The following OTOG variants were observed in gnomAD, a reference collection of about 807,000 sequenced individuals.
The protein encoded by OTOG is otogelin.
A neutral mutation model predicts 313.8 loss-of-function variants in OTOG; 296 were observed. The ratio of observed to expected loss-of-function variants is 0.94; its 90% CI spans 0.86 to 1.04. The LOEUF (loss-of-function observed/expected upper bound fraction) is 1.04, where lower values mean the gene tolerates loss of function less well. Among genes scored for constraint, OTOG ranks in the 50% least tolerant of loss-of-function variants. The probability of loss-of-function intolerance (pLI) is 0.00; values close to 1 mark genes in which losing one functional copy is unlikely to be tolerated. For missense variants in OTOG, 3,948 were observed against 3,840.1 expected (o/e 1.03, Z -0.74); for synonymous variants, 1,533 against 1,554.9 (o/e 0.99, Z 0.33).
Position 17,634,915 on chromosome 11 carries a change from CAGG to C in OTOG, c.7557_7559del (p.Glu2519del). The C allele has an allele frequency of 2.6e-6, 4 of 1,545,302 alleles. No homozygotes were observed. Among genetic ancestry groups the C allele is most frequent in the Non-Finnish European group, 3.5e-6 (4 of 1,144,892 alleles). ...AGGCCACCGCCTCCTCACCCACTTC[CAGG>C]AGGACTCCTGCTGCCCCAGCTACAG... On this transcript the variant is annotated inframe_deletion, in exon 45 of 56. Coordinates refer to ENST00000399397, the MANE Select transcript of OTOG (RefSeq NM_001292063.2).
In OTOG at chr11:17,576,612, T is replaced by G. The variant is rs1222336021; in HGVS notation, c.2543T>G (p.Ile848Ser). The change falls in exon 21 of 56, where the codon ATC (isoleucine) becomes AGC (serine). Residue 848 changes from isoleucine to serine, a missense_variant. By Grantham distance (142) the Ile-to-Ser change is moderately radical. Transcript: ENST00000399397. ...GACTATCCCCCCGGAGACAGTGACA[T>G]CCCATCCCTGGGCCACTGGTGAGCT... ...GVDYPPGDSDIPSLGHCHCKD... is the reference protein window; with the variant it reads ...GVDYPPGDSDSPSLGHCHCKD... 13 of 1,550,332 alleles carry G rather than the reference T, an allele frequency of 8.4e-6. No homozygotes were observed. The highest frequency in any genetic ancestry group is 1.1e-5 in the Non-Finnish European group (13 of 1,146,724).
At chr11:17,645,682 G>A in intron 55 of OTOG, 39 bp downstream of exon 55, 2 of 1,550,684 alleles carry the variant, frequency 1.3e-6, no homozygotes. Flanking sequence ...AGCAAAAAAT[G>A]GGATGGAGGG....
intron 39 of OTOG, among the ~76,000 whole-genome samples, chr11:17,617,713 C>CTA (rs1388892598): frequency 6.6e-6 from 1 of 152,136 alleles, no homozygotes; most frequent in African/African-American, 2.4e-5. Context: ...ACTAGCCTGG[C>CTA]TAGAGGCTTA....
At chr11:17,631,213 G>A (rs746439159) in intron 40 of OTOG, among the ~76,000 whole-genome samples, 3 of 152,192 alleles carry the variant, frequency 2.0e-5, no homozygotes, top group Admixed American at 6.5e-5. Context: ...TAATCAGCTA[G>A]CAATCACTGG....
chr11:17,611,452 C>A, intron 36 of OTOG, 29 bp downstream of exon 36: 1 of 1,473,900 alleles, frequency 6.8e-7, no homozygotes, highest in Non-Finnish European at 9.1e-7. Context: ...TTCTGGCCAC[C>A]CGTATGTGAC....
chr11:17,561,253 G>A, intron 14 of OTOG, 116 bp downstream of exon 14: 1 of 1,203,968 alleles, frequency 8.3e-7, no homozygotes, highest in Non-Finnish European at 1.2e-6. Flanking sequence ...CAGTTCCATT[G>A]GCTACGCCCC....
Position 17,612,179 on chromosome 11 carries a change from C to T in OTOG, c.6141C>T (p.Asp2047=). ...GTACCCAGCCAATCGCCGAGCAGGA[C>T]TGCGTCCGCCACATCTGCCTGGAGG... ...STTCVPIAEQ[D]CVRHICLEGQ... is the part of the protein sequence containing the mutation. The change falls in exon 37 of 56, where the codon GAC becomes GAT. Residue 2047 remains aspartate, a synonymous_variant. Coordinates refer to ENST00000399397, the MANE Select transcript of OTOG (RefSeq NM_001292063.2). The T allele has an allele frequency of 1.3e-6, 2 of 1,549,640 alleles. No individual in the cohort carries two copies.
chr11:17,564,964 GT>G (rs1192642151), intron 15 of OTOG, among the ~76,000 whole-genome samples: 1 of 152,140 alleles, frequency 6.6e-6, no homozygotes, highest in Non-Finnish European at 1.5e-5. Context: ...TAGACTTTAT[GT>G]TTTAGAACAT....
chr11:17,632,033 G>C, intron 41 of OTOG, 55 bp from the exon 42 acceptor site: 1 of 1,542,474 alleles, frequency 6.5e-7, no homozygotes, highest in Non-Finnish European at 8.8e-7. Context: ...GGAGGAGCTG[G>C]GCACTGGGAT....
chr11:17,576,639 C>T lies in OTOG; in HGVS notation c.2561+9C>T, dbSNP rs528157125. 330 of 1,545,352 alleles carry T rather than the reference C, an allele frequency of 2.1e-4. 1 individual carries two copies. In the African/African-American group the frequency reaches 3.8e-3, roughly 18 times the overall value. Reference sequence around the variant, plus strand: ...CCATCCCTGGGCCACTGGTGAGCTCCGTAGGTAGCAGCCTTCTTGTCCTCT... The same window carrying T: ...CCATCCCTGGGCCACTGGTGAGCTCTGTAGGTAGCAGCCTTCTTGTCCTCT... On this transcript the variant is annotated intron_variant, in intron 21 of 55. Transcript: ENST00000399397.
chr11:17,588,638 T>G (rs926853632), intron 24 of OTOG, among the ~76,000 whole-genome samples: 11 of 152,258 alleles, frequency 7.2e-5, no homozygotes, highest in African/African-American at 2.6e-4. Context: ...TTCTAAAGAT[T>G]TTGGCACTGA....
chr11:17,564,430 A>C (rs1273240758), intron 15 of OTOG, among the ~76,000 whole-genome samples: 4 of 152,238 alleles, frequency 2.6e-5, no homozygotes. Flanking sequence ...CATAGAAATC[A>C]GTATGCCTGG....
Position 17,553,111 on chromosome 11 carries a change from C to G in OTOG, c.293-8C>G, listed in dbSNP as rs1049816913. On this transcript the variant is annotated splice_polypyrimidine_tract_variant and splice_region_variant and intron_variant, in intron 4 of 55. Transcript: ENST00000399397. ...TGATGGGGCAATGACTCTGTGTCTC[C>G]CATGCAGACTTGTTCTCCTGCTTCA... 7 of 1,550,248 alleles carry G rather than the reference C, an allele frequency of 4.5e-6. No homozygotes were observed. The highest frequency in any genetic ancestry group is 6.1e-6 in the Non-Finnish European group (7 of 1,146,914).
chr11:17,577,810 A>T (rs1175670039), intron 22 of OTOG, among the ~76,000 whole-genome samples: 1 of 152,182 alleles, frequency 6.6e-6, no homozygotes, highest in Non-Finnish European at 1.5e-5. Context: ...CCTAAAAAAG[A>T]TCACTCACGC....
chr11:17,578,343 G>A (rs1565101145), intron 22 of OTOG, 30 bp from the exon 23 acceptor site: 1 of 1,456,270 alleles, frequency 6.9e-7, no homozygotes, highest in Admixed American at 2.5e-5. Flanking sequence ...GAGGCCCCAG[G>A]GCCTCCGCTC....
intron 19 of OTOG, 74 bp downstream of exon 19, chr11:17,573,364 AGT>A: frequency 7.1e-7 from 1 of 1,415,772 alleles, no homozygotes; most frequent in Non-Finnish European, 9.4e-7. Flanking sequence ...TGCCCCTGAA[AGT>A]CTCCACTGGG....
intron 31 of OTOG, 45 bp downstream of exon 31, chr11:17,599,742 G>T (rs1352477882): frequency 6.5e-7 from 1 of 1,541,998 alleles, no homozygotes. Flanking sequence ...CTCAGGCACT[G>T]CCAGCCCTGT....
chr11:17,593,721 A>G lies in OTOG; in HGVS notation c.3253A>G (p.Thr1085Ala), dbSNP rs1837926884. ...EHITLLWDQR[T>A]TVHVQAGPQW... ...CATCACCCTCTTGTGGGACCAGAGA[A>G]CCACAGTGCACGTCCAGGCTGGGCC... Residue 1085 changes from threonine (T) to alanine (A), a missense_variant, in exon 27 of 56, where the codon ACC (threonine) becomes GCC (alanine). By Grantham distance (58) the Thr-to-Ala change is moderately conservative. Transcript: ENST00000399397. The G allele has an allele frequency of 6.5e-7, 1 of 1,548,762 alleles. No individual in the cohort carries two copies. The highest frequency in any genetic ancestry group is 2.0e-5 in the Admixed American group (1 of 51,006).
chr11:17,622,373 A>G (rs1264732897), intron 39 of OTOG, among the ~76,000 whole-genome samples: 2 of 152,240 alleles, frequency 1.3e-5, no homozygotes, highest in Non-Finnish European at 2.9e-5. Flanking sequence ...TGTGTTACGA[A>G]CAATCTAATT....
Sources: gnomAD v4.1 joint callset for allele counts (sites outside exome capture counted in the v4.1 genomes callset) on GRCh38, gnomAD v4.1.1 for gene constraint, MANE v1.5 for transcripts, NCBI Gene and HGNC (gene_info 2026-07-23, HGNC 2026-07-21) for gene names.